The following FANCC variants were observed in gnomAD, a reference collection of about 807,000 sequenced individuals.
The protein encoded by FANCC is Fanconi anemia group C protein.
FANCC carries 55 observed loss-of-function variants against 71.3 expected under a neutral mutation model. That is an observed-to-expected ratio of 0.77 (90% confidence interval 0.62 to 0.97). FANCC has a LOEUF of 0.97. FANCC is among the 50% of genes least tolerant of loss of function. FANCC has a pLI of 0.00. For missense variants in FANCC, 678 were observed against 670.9 expected (o/e 1.01, Z -0.12); for synonymous variants, 275 against 244.9 (o/e 1.12, Z -1.15).
At chr9:95,128,575 T>G (rs995058810) in intron 8 of FANCC, among the ~76,000 whole-genome samples, 3 of 152,218 alleles carry the variant, frequency 2.0e-5, no homozygotes, top group East Asian at 1.9e-4. Flanking sequence ...AGGGCTACTA[T>G]GAAAACCACT....
At chr9:95,282,795 A>C (rs1249827205) in intron 1 of FANCC, among the ~76,000 whole-genome samples, 1 of 152,216 alleles carries the variant, frequency 6.6e-6, no homozygotes, top group Non-Finnish European at 1.5e-5. Flanking sequence ...TGAAAACTTT[A>C]CAAATACATA....
At chr9:95,124,868 T>C (rs1341687342) in intron 10 of FANCC, among the ~76,000 whole-genome samples, 4 of 152,180 alleles carry the variant, frequency 2.6e-5, no homozygotes, top group Non-Finnish European at 5.9e-5. Context: ...GACATAATAG[T>C]AGACAGATGC....
chr9:95,167,843 T>C (rs903268204), intron 6 of FANCC, among the ~76,000 whole-genome samples: 4 of 152,210 alleles, frequency 2.6e-5, no homozygotes, highest in Non-Finnish European at 5.9e-5. Context: ...TGTAGATTTA[T>C]TTTCATCCCT....
chr9:95,198,484 T>G (rs1218485253), intron 4 of FANCC, among the ~76,000 whole-genome samples: 1 of 152,200 alleles, frequency 6.6e-6, no homozygotes, highest in Non-Finnish European at 1.5e-5. Flanking sequence ...GAAAATGTAA[T>G]TACCCTGTTG....
intron 13 of FANCC, chr9:95,109,685 A>G (rs1478090139): frequency 6.6e-6 from 1 of 152,246 alleles, no homozygotes. Flanking sequence ...CCTCAAGGAC[A>G]TCCACAGAGG....
intron 7 of FANCC, among the ~76,000 whole-genome samples, chr9:95,138,623 G>A (rs573854057): frequency 2.0e-5 from 3 of 152,332 alleles, no homozygotes; most frequent in South Asian, 4.1e-4. Flanking sequence ...TATGTCACTG[G>A]AAAGGCGTTT....
At chr9:95,173,123 C>T (rs921133010) in intron 4 of FANCC, among the ~76,000 whole-genome samples, 4 of 152,110 alleles carry the variant, frequency 2.6e-5, no homozygotes, top group Non-Finnish European at 4.4e-5. Context: ...GGTAAAACAC[C>T]TGTATGGCAC....
Position 95,101,809 on chromosome 9 carries a change from A to G in FANCC, c.1575T>C (p.Phe525=). 1 of 1,614,150 alleles carries G rather than the reference A, an allele frequency of 6.2e-7. No homozygotes were observed. The highest frequency in any genetic ancestry group is 8.5e-7 in the Non-Finnish European group (1 of 1,180,018). Residue 525 remains phenylalanine, a synonymous_variant, in exon 15 of 15, where the codon TTT becomes TTC. Coordinates refer to ENST00000289081, the MANE Select transcript of FANCC (RefSeq NM_000136.3). ...TCCATCTGTACAAGGTCTGGTCAAG[A>G]AAGCCAATGATCTCGTGAGTTATCT... ...TAEITHEIIG[F]LDQTLYRWNR...
intron 7 of FANCC, among the ~76,000 whole-genome samples, chr9:95,141,996 T>G (rs991336711): frequency 2.1e-5 from 3 of 139,922 alleles, no homozygotes; most frequent in Non-Finnish European, 4.6e-5. Flanking sequence ...TTTTTTTTTT[T>G]TTTTTTTTTT....
chr9:95,203,466 A>G (rs1237160780), intron 4 of FANCC, among the ~76,000 whole-genome samples: 1 of 151,414 alleles, frequency 6.6e-6, no homozygotes, highest in African/African-American at 2.4e-5. Flanking sequence ...TACATTTTAT[A>G]TGCTCACTTG....
At chr9:95,216,295 C>T (rs1473134299) in intron 4 of FANCC, among the ~76,000 whole-genome samples, 3 of 152,126 alleles carry the variant, frequency 2.0e-5, no homozygotes, top group African/African-American at 7.2e-5. Context: ...GAAGATGTAA[C>T]AATTCTAAAT....
At chr9:95,183,791 C>T (rs1199743075) in intron 4 of FANCC, among the ~76,000 whole-genome samples, 2 of 152,138 alleles carry the variant, frequency 1.3e-5, no homozygotes, top group East Asian at 3.8e-4. Context: ...GCCATCTTTG[C>T]TGAAAGGGGT....
At chr9:95,205,650 T>A (rs1394143497) in intron 4 of FANCC, among the ~76,000 whole-genome samples, 1 of 152,036 alleles carries the variant, frequency 6.6e-6, no homozygotes, top group East Asian at 1.9e-4. Context: ...AAATAACTCC[T>A]CCCGAGAGAA....
intron 1 of FANCC, among the ~76,000 whole-genome samples, chr9:95,255,345 G>C (rs1305935358): frequency 6.6e-6 from 1 of 152,142 alleles, no homozygotes; most frequent in African/African-American, 2.4e-5. Context: ...CTGAGACGAA[G>C]CTTCCAGAGG....
At chr9:95,172,816 A>G (rs1447753849) in intron 4 of FANCC, among the ~76,000 whole-genome samples, 1 of 152,224 alleles carries the variant, frequency 6.6e-6, no homozygotes, top group African/African-American at 2.4e-5. Context: ...ACATTTTTCA[A>G]GTATCTGAAT....
intron 7 of FANCC, among the ~76,000 whole-genome samples, chr9:95,147,493 G>A (rs961251732): frequency 1.3e-5 from 2 of 152,142 alleles, no homozygotes; most frequent in African/African-American, 4.8e-5. Flanking sequence ...TCCAGCCTGG[G>A]CAACAAGAGT....
chr9:95,314,718 T>C (rs1835638031), intron 1 of FANCC, among the ~76,000 whole-genome samples: 1 of 151,678 alleles, frequency 6.6e-6, no homozygotes, highest in Non-Finnish European at 1.5e-5. Context: ...ATTTTAAAAA[T>C]AATTCAATTC....
intron 1 of FANCC, among the ~76,000 whole-genome samples, chr9:95,254,161 A>C (rs890435616): frequency 6.6e-6 from 1 of 152,228 alleles, no homozygotes; most frequent in East Asian, 1.9e-4. Flanking sequence ...CTATTTCCTG[A>C]CCTGTGTGGC....
intron 1 of FANCC, among the ~76,000 whole-genome samples, chr9:95,303,210 T>A (rs377324357): frequency 2.1e-4 from 32 of 152,324 alleles, no homozygotes; most frequent in African/African-American, 7.5e-4. Flanking sequence ...GAATTTTGAA[T>A]TTTATTTAAT....
Sources: gnomAD v4.1 joint callset for allele counts (sites outside exome capture counted in the v4.1 genomes callset) on GRCh38, gnomAD v4.1.1 for gene constraint, MANE v1.5 for transcripts, NCBI Gene and HGNC (gene_info 2026-07-23, HGNC 2026-07-21) for gene names.